The following TRPM3 variants were observed in gnomAD, a reference collection of about 807,000 sequenced individuals.
The protein encoded by TRPM3 is long transient receptor potential channel 3.
Under a neutral mutation model 181.2 loss-of-function variants are expected in TRPM3, and 77 were observed. The observed-to-expected ratio is 0.42, with a 90% CI of 0.35 to 0.51. The LOEUF (loss-of-function observed/expected upper bound fraction) is 0.51, where lower values mean the gene tolerates loss of function less well. Among genes scored for constraint, TRPM3 ranks in the 20% least tolerant of loss-of-function variants. TRPM3 has a pLI of 0.01. For synonymous variants in TRPM3, 745 were observed against 796.4 expected (o/e 0.94, Z 1.09); for missense variants, 1,759 against 2,196.7 (o/e 0.80, Z 3.98).
intron 1 of TRPM3, among the ~76,000 whole-genome samples, chr9:71,351,104 C>T (rs929383530): frequency 2.0e-5 from 3 of 152,116 alleles, no homozygotes; most frequent in African/African-American, 7.2e-5. Context: ...TAAAGGTGAA[C>T]CTGATGAGCT....
intron 25 of TRPM3, among the ~76,000 whole-genome samples, chr9:70,539,198 G>C (rs1454345739): frequency 2.0e-5 from 3 of 152,114 alleles, no homozygotes; most frequent in Non-Finnish European, 4.4e-5. Flanking sequence ...GTGGTGGTGA[G>C]GTTTTAATGA....
At chr9:70,980,885 C>T (rs985786313) in intron 1 of TRPM3, among the ~76,000 whole-genome samples, 2 of 152,180 alleles carry the variant, frequency 1.3e-5, no homozygotes, top group African/African-American at 4.8e-5. Flanking sequence ...CTCTTCTCCC[C>T]ACCTTTCCAT....
rs1374466012 is a variant in TRPM3, at chr9:70,903,110, AG to A, written c.178-38600del. ...AGGAAGGAATTCAGAAACCAAATCC[AG>A]CACAAAAGAAAGATGACTCCGTGTT... On this transcript the variant is annotated intron_variant, in intron 1 of 25. Transcript: ENST00000677713. Among the ~76,000 whole-genome samples, 3 of 152,238 alleles carry A rather than the reference AG, an allele frequency of 2.0e-5. No individual in the cohort carries two copies. In the East Asian group the frequency reaches 5.8e-4, roughly 29 times the overall value.
chr9:71,315,641 T>C (rs772651205), intron 1 of TRPM3, among the ~76,000 whole-genome samples: 15 of 152,186 alleles, frequency 9.9e-5, no homozygotes, highest in Admixed American at 7.9e-4. Context: ...TTTATTAAAA[T>C]CAATTTAAGA....
At chr9:71,396,476 A>G (rs2093197153) in intron 1 of TRPM3, among the ~76,000 whole-genome samples, 1 of 152,174 alleles carries the variant, frequency 6.6e-6, no homozygotes, top group Admixed American at 6.5e-5. Flanking sequence ...TTCATTTTAA[A>G]CGATGGGTTC....
At position 70,655,948 on chromosome 9, in the gene TRPM3, G is replaced by A. The variant is rs553290092; in HGVS notation, c.1346-15288C>T. 3.3e-5 allele frequency among the ~76,000 whole-genome samples: 5 copies of A among 152,218 alleles called. No homozygotes were observed. The South Asian group carries it at 1.0e-3, about 32-fold the overall frequency. ...TGTATTTATATGTTGCGTACACAACGTTTCACTACTGAAAACATATAAAAG... is the reference window on the plus strand; with the variant it reads ...TGTATTTATATGTTGCGTACACAACATTTCACTACTGAAAACATATAAAAG... On this transcript the variant is annotated intron_variant, in intron 9 of 25. Transcript: ENST00000677713.
In TRPM3 at chr9:70,532,025, G is replaced by A. The variant is rs374097189; in HGVS notation, c.*3928C>T. On this transcript the variant is annotated 3_prime_UTR_variant, in exon 26 of 26. Transcript: ENST00000677713. ...AATGATTATAAAGCTCTCCTGTAAC[G>A]TTCATTAATACAACCACATGCTACA... 3.9e-5 allele frequency: 6 copies of A among 152,280 alleles called. No homozygotes were observed. The highest frequency in any genetic ancestry group is 5.9e-5 in the Non-Finnish European group (4 of 68,026). 9.4% of individuals were successfully genotyped at this position (152,280 alleles called of 1,614,324 possible). A position where few individuals can be genotyped will look rare whatever the true frequency, so the allele number is the denominator to read the frequency against.
At chr9:71,290,596 A>G (rs111945132) in intron 1 of TRPM3, among the ~76,000 whole-genome samples, 1 of 152,130 alleles carries the variant, frequency 6.6e-6, no homozygotes, top group African/African-American at 2.4e-5. Flanking sequence ...AGGAACATAT[A>G]AAATTCAAGA....
At chr9:71,267,291 A>G (rs867537798) in intron 1 of TRPM3, among the ~76,000 whole-genome samples, 31 of 152,196 alleles carry the variant, frequency 2.0e-4, no homozygotes, top group Non-Finnish European at 1.5e-5. Flanking sequence ...CCTTATGACA[A>G]TTATCAAAAA....
At chr9:70,929,894 C>CT (rs1452669013) in intron 1 of TRPM3, among the ~76,000 whole-genome samples, 1 of 152,172 alleles carries the variant, frequency 6.6e-6, no homozygotes, top group Non-Finnish European at 1.5e-5. Flanking sequence ...GCTCTTCAGC[C>CT]TGTTAGAAGA....
intron 25 of TRPM3, among the ~76,000 whole-genome samples, chr9:70,545,614 T>C (rs1401995008): frequency 7.0e-6 from 1 of 142,452 alleles, no homozygotes; most frequent in East Asian, 2.2e-4. Context: ...TGGTACGATC[T>C]CTGCTCACTG....
At chr9:70,598,330 A>AGC in intron 21 of TRPM3, 89 bp downstream of exon 21, 10 of 1,521,102 alleles carry the variant, frequency 6.6e-6, no homozygotes, top group Non-Finnish European at 8.9e-6. Context: ...AGACTTTGAT[A>AGC]GCAGGCCCAA....
At chr9:70,808,164 A>G (rs1053116037) in intron 6 of TRPM3, among the ~76,000 whole-genome samples, 2 of 152,220 alleles carry the variant, frequency 1.3e-5, no homozygotes, top group Non-Finnish European at 2.9e-5. Flanking sequence ...ACAGGTTCCT[A>G]TGTTATGCTA....
intron 1 of TRPM3, among the ~76,000 whole-genome samples, chr9:71,320,934 A>T (rs148646666): frequency 6.6e-6 from 1 of 151,948 alleles, no homozygotes; most frequent in Non-Finnish European, 1.5e-5. Context: ...CATCCTTGAC[A>T]TCGCTCTCTC....
intron 6 of TRPM3, among the ~76,000 whole-genome samples, chr9:70,787,530 C>G (rs2130912234): frequency 7.3e-6 from 1 of 137,078 alleles, no homozygotes; most frequent in South Asian, 2.5e-4. Context: ...TAACATTAAA[C>G]CTTTCTGTCA....
At chr9:71,067,389 G>A (rs1249330339) in intron 1 of TRPM3, among the ~76,000 whole-genome samples, 1 of 152,138 alleles carries the variant, frequency 6.6e-6, no homozygotes, top group African/African-American at 2.4e-5. Flanking sequence ...AAACATATGA[G>A]TGGTGTTTCT....
intron 1 of TRPM3, among the ~76,000 whole-genome samples, chr9:70,867,905 A>T (rs1159027470): frequency 6.6e-6 from 1 of 151,962 alleles, no homozygotes; most frequent in East Asian, 1.9e-4. Flanking sequence ...GAAGGTTTTG[A>T]ACTACTCTAT....
At chr9:71,259,366 T>C (rs1167308772) in intron 1 of TRPM3, among the ~76,000 whole-genome samples, 1 of 152,228 alleles carries the variant, frequency 6.6e-6, no homozygotes, top group African/African-American at 2.4e-5. Context: ...CATGTACATG[T>C]GTCTTTATAG....
intron 1 of TRPM3, among the ~76,000 whole-genome samples, chr9:70,880,448 T>C (rs1392608270): frequency 6.6e-6 from 1 of 152,128 alleles, no homozygotes; most frequent in Non-Finnish European, 1.5e-5. Context: ...AGGTAGTTTT[T>C]AAATGATGGT....
Sources: allele counts gnomAD v4.1 joint callset (sites outside exome capture counted in the v4.1 genomes callset), GRCh38; gene constraint gnomAD v4.1.1; transcripts MANE v1.5; gene names NCBI Gene and HGNC (gene_info 2026-07-23, HGNC 2026-07-21).